The following ADAMTS10 variants were observed in gnomAD, a reference collection of about 807,000 sequenced individuals.
ADAMTS10 encodes the protein A disintegrin and metalloproteinase with thrombospondin motifs 10.
In ADAMTS10, 48 loss-of-function variants were observed where a neutral mutation model predicts 135.9. The ratio of observed to expected loss-of-function variants is 0.35; its 90% confidence interval spans 0.28 to 0.45. The LOEUF (loss-of-function observed/expected upper bound fraction) is 0.45. Among genes scored for constraint, ADAMTS10 ranks in the 20% least tolerant of loss-of-function variants. ADAMTS10 has a pLI of 1.00. For synonymous variants in ADAMTS10, 621 were observed against 647.5 expected, an observed-to-expected ratio of 0.96 and a Z score of 0.62; for missense variants, 1,131 against 1,565.2, an observed-to-expected ratio of 0.72 and a Z score of 4.68.
rs781791649 is a variant in ADAMTS10, at chr19:8,580,876, C to T, written c.*17G>A. 1.9e-6 allele frequency: 3 copies of T among 1,582,222 alleles called. No homozygotes were observed. The highest frequency in any genetic ancestry group is 2.6e-6 in the Non-Finnish European group (3 of 1,162,428). ...GCGGAGACCCCGCCAGCTGTGGCTCCGGGTGCCGCGCGCCCCCTAGTGGCC... is the reference window on the plus strand; with the variant it reads ...GCGGAGACCCCGCCAGCTGTGGCTCTGGGTGCCGCGCGCCCCCTAGTGGCC... On this transcript the variant is annotated 3_prime_UTR_variant, in exon 26 of 26. Coordinates refer to ENST00000597188, the MANE Select transcript of ADAMTS10 (RefSeq NM_030957.4).
chr19:8,592,568 G>T (rs1457007091), intron 13 of ADAMTS10, among the ~76,000 whole-genome samples, 195 bp downstream of exon 13: 2 of 150,968 alleles, frequency 1.3e-5, no homozygotes, highest in African/African-American at 4.9e-5. Context: ...ACCAAGGGAC[G>T]CATAGACGGT....
chr19:8,603,415 C>A (rs1470183655), intron 5 of ADAMTS10, among the ~76,000 whole-genome samples: 1 of 152,206 alleles, frequency 6.6e-6, no homozygotes, highest in Middle Eastern at 3.4e-3. Flanking sequence ...GCTGGGATGA[C>A]AGGCATGCGC....
intron 12 of ADAMTS10, 60 bp downstream of exon 12, chr19:8,595,702 T>TGCCC: frequency 6.8e-4 from 611 of 893,922 alleles, no homozygotes; most frequent in Non-Finnish European, 9.3e-4. Flanking sequence ...TGGAGTTCCC[T>TGCCC]CCCCCAGCCC....
Position 8,592,050 on chromosome 19 carries a change from G to C in ADAMTS10, c.1641C>G (p.Asp547Glu). 1.2e-6 allele frequency: 2 copies of C among 1,613,666 alleles called. No individual in the cohort carries two copies. Among genetic ancestry groups the C allele is most frequent in the Non-Finnish European group, 1.7e-6 (2 of 1,179,798 alleles). Residue 547 changes from aspartate to glutamate, a missense_variant, in exon 14 of 26, where the codon GAC becomes GAG. Physicochemically the swap from Asp to Glu is conservative, Grantham distance 45 (BLOSUM62 2). Transcript: ENST00000597188. ...ATGGAGTCCACGGCCCCCAGGCTCCGTCCACACCCTCTGGGCGCGACCCAA... is the reference window on the plus strand; with the variant it reads ...ATGGAGTCCACGGCCCCCAGGCTCCCTCCACACCCTCTGGGCGCGACCCAA... ...VPFGSRPEGV[D>E]GAWGPWTPWG...
intron 15 of ADAMTS10, 130 bp downstream of exon 15, chr19:8,591,670 G>C: frequency 9.3e-7 from 1 of 1,075,306 alleles, no homozygotes; most frequent in Non-Finnish European, 1.4e-6. Flanking sequence ...TCGATCTCCT[G>C]ACCTCGTGAT....
At chr19:8,608,588 A>T (rs1380347262) in intron 1 of ADAMTS10, among the ~76,000 whole-genome samples, 1 of 151,666 alleles carries the variant, frequency 6.6e-6, no homozygotes, top group Non-Finnish European at 1.5e-5. Context: ...TGAAGCAGGG[A>T]CCTCACCCCT....
chr19:8,597,706 T>A lies in ADAMTS10; in HGVS notation c.811-389A>T, dbSNP rs781977363. ...CCCAGGCTGCAGTGCTGCGGTGCAATCTCAGCTCACTGTAACCTCCACTTC... is the reference window on the plus strand; with the variant it reads ...CCCAGGCTGCAGTGCTGCGGTGCAAACTCAGCTCACTGTAACCTCCACTTC... On this transcript the variant is annotated intron_variant, in intron 6 of 25. Transcript: ENST00000597188. 8.5e-4 allele frequency among the ~76,000 whole-genome samples: 129 copies of A among 152,290 alleles called. No individual in the cohort carries two copies. The Middle Eastern group carries it at 0.01, about 12-fold the overall frequency.
chr19:8,600,847 T>C, intron 6 of ADAMTS10, 81 bp downstream of exon 6: 1 of 1,545,098 alleles, frequency 6.5e-7, no homozygotes. Context: ...TGGGGTGGGA[T>C]GGTAGCCACC....
Position 8,596,265 on chromosome 19 carries a change from C to T in ADAMTS10, c.1190+42G>A, listed in dbSNP as rs782560737. 5 of 1,612,790 alleles carry T rather than the reference C, an allele frequency of 3.1e-6. No homozygotes were observed. In the African/African-American group the frequency reaches 5.3e-5, roughly 17 times the overall value. Reference sequence around the variant, plus strand: ...TCTGCCGGGCGCTGAGGGACCCGCCCAGCTCCTCCCCTCCTCCCCCTCTTG... The same window carrying T: ...TCTGCCGGGCGCTGAGGGACCCGCCTAGCTCCTCCCCTCCTCCCCCTCTTG... On this transcript the variant is annotated intron_variant, in intron 10 of 25. Transcript: ENST00000597188. This position sits in a 1 kb window ranked among gnomAD's most constrained non-coding sequence, Gnocchi z 7.2.
chr19:8,595,708 A>G (rs1377992492), intron 12 of ADAMTS10, 54 bp downstream of exon 12: 8 of 563,786 alleles, frequency 1.4e-5, no homozygotes, highest in Non-Finnish European at 2.1e-5. Flanking sequence ...TCCCTCCCCC[A>G]GCCCCAGCGG....
In ADAMTS10 at chr19:8,595,835, G is replaced by C. The variant is rs782289502; in HGVS notation, c.1406C>G (p.Pro469Arg). 1 of 1,614,162 alleles carries C rather than the reference G, an allele frequency of 6.2e-7. No homozygotes were observed. The highest frequency in any genetic ancestry group is 8.5e-7 in the Non-Finnish European group (1 of 1,180,034). The change falls in exon 12 of 26, where the codon CCG becomes CGG. Residue 469 changes from proline (P) to arginine (R), a missense_variant. Pro to Arg is a moderately radical substitution (Grantham distance 103). Around this residue, in one of 3 missense-constraint regions of ADAMTS10, gnomAD observed 745 missense variants for 1,056.3 expected, o/e 0.71. Transcript: ENST00000597188. ...CTCATCTGCATCGTAGGCTTGGCCCGGTGCCACTGTCGGGTACACAAAGTC... is the reference window on the plus strand; with the variant it reads ...CTCATCTGCATCGTAGGCTTGGCCCCGTGCCACTGTCGGGTACACAAAGTC... ...RQDFVYPTVA[P>R]GQAYDADEQC...
Position 8,605,515 on chromosome 19 carries a change from C to T in ADAMTS10, c.88+108G>A. On this transcript the variant is annotated intron_variant, in intron 3 of 25. Transcript: ENST00000597188. This position sits in a 1 kb window ranked among gnomAD's most constrained non-coding sequence, Gnocchi z 7.7. ...TCCCGCCTATTGACCCCAGGGCCTT[C>T]CCCCATTGACCCCCATCCCAGCCCC... 1 of 1,309,824 alleles carries T rather than the reference C, an allele frequency of 7.6e-7. No homozygotes were observed. The highest frequency in any genetic ancestry group is 1.1e-6 in the Non-Finnish European group (1 of 940,910). 81.1% of individuals were successfully genotyped at this position (1,309,824 alleles called of 1,614,324 possible).
At position 8,586,193 on chromosome 19, in the gene ADAMTS10, G is replaced by T; in HGVS notation, c.2589C>A (p.Pro863=). The part of the protein sequence containing the change: ...RNQLDSSAVA[P]HYCSAHSKLP... ...GCTTGCTGTGGGCACTGCAGTAGTG[G>T]GGGGCGACCGCGGAGCTGTCCAGCT... Residue 863 remains proline (P), a synonymous_variant, in exon 22 of 26, where the codon CCC becomes CCA. Coordinates refer to ENST00000597188, the MANE Select transcript of ADAMTS10 (RefSeq NM_030957.4). 6.2e-7 allele frequency: 1 copy of T among 1,613,078 alleles called. No individual in the cohort carries two copies.
At chr19:8,588,092 T>C (rs1010689770) in intron 18 of ADAMTS10, among the ~76,000 whole-genome samples, 3 of 151,406 alleles carry the variant, frequency 2.0e-5, no homozygotes, top group East Asian at 2.0e-4. Context: ...CTTCTAAAGA[T>C]ACAAAAATTA....
rs782566449 is a variant in ADAMTS10, at chr19:8,586,258, G to A, written c.2531-7C>T. The A allele has an allele frequency of 1.9e-6, 3 of 1,613,020 alleles. No individual in the cohort carries two copies. The highest frequency in any genetic ancestry group is 1.7e-4 in the Middle Eastern group (1 of 6,046). ...ACCGCCTGCACCTGGCTACCTGGAG[G>A]GGAGGGTGAGAGGCCTGCTCAGCCC... On this transcript the variant is annotated splice_polypyrimidine_tract_variant and splice_region_variant and intron_variant, in intron 21 of 25. Transcript: ENST00000597188.
Position 8,605,661 on chromosome 19 carries a change from C to G in ADAMTS10, c.50G>C (p.Gly17Ala). The G allele has an allele frequency of 6.2e-7, 1 of 1,613,598 alleles. No homozygotes were observed. The highest frequency in any genetic ancestry group is 8.5e-7 in the Non-Finnish European group (1 of 1,179,930). The change falls in exon 3 of 26, where the codon GGC becomes GCC. Residue 17 changes from glycine (G) to alanine (A), a missense_variant. By Grantham distance (60) the Gly-to-Ala change is moderately conservative. Transcript: ENST00000597188. This position sits in a 1 kb window ranked among gnomAD's most constrained non-coding sequence, Gnocchi z 7.7. ...GGCGTGCGTGACCTCGAACATGAGG[C>G]CCAGCCCCAGGGCGAGGGCCCAGCG... The part of the protein sequence containing the change: ...ILRWALALGL[G>A]LMFEVTHAFR...
Position 8,580,813 on chromosome 19 carries a change from C to A in ADAMTS10, c.*80G>T. ...CCCTTCCCTCCCAGTTCCCGCCCCC[C>A]CGGGGCCCCCTCTGGCCGGCCCGCT... On this transcript the variant is annotated 3_prime_UTR_variant, in exon 26 of 26. Transcript: ENST00000597188. 1 of 1,200,060 alleles carries A rather than the reference C, an allele frequency of 8.3e-7. No homozygotes were observed. Among genetic ancestry groups the A allele is most frequent in the South Asian group, 1.3e-5 (1 of 76,426 alleles). The allele number at this position is 1,200,060 out of a possible 1,614,324, so 74.3% of individuals were successfully genotyped here.
intron 1 of ADAMTS10, among the ~76,000 whole-genome samples, chr19:8,610,062 A>G (rs998525132): frequency 1.3e-5 from 2 of 151,842 alleles, no homozygotes; most frequent in African/African-American, 2.4e-5. Context: ...AAACACACAC[A>G]TACATACACA....
At chr19:8,593,915 C>T (rs528143928) in intron 12 of ADAMTS10, among the ~76,000 whole-genome samples, 1 of 152,266 alleles carries the variant, frequency 6.6e-6, no homozygotes, top group East Asian at 1.9e-4. Context: ...AGGAAAGGAC[C>T]CTTCCTAGGT....
Sources: gnomAD v4.1 joint callset for allele counts (sites outside exome capture counted in the v4.1 genomes callset) on GRCh38, gnomAD v4.1.1 for gene constraint, gnomAD v4.1.1 regional missense constraint, Gnocchi (gnomAD v3.1) non-coding constraint, MANE v1.5 for transcripts, NCBI Gene and HGNC (gene_info 2026-07-23, HGNC 2026-07-21) for gene names.